Variants in ASPH observed in about 807,000 individuals in gnomAD.
The protein encoded by ASPH is aspartyl/asparaginyl beta-hydroxylase.
Under a neutral mutation model 118.4 loss-of-function variants are expected in ASPH, and 100 were observed. The ratio of observed to expected loss-of-function variants is 0.84; its 90% confidence interval spans 0.72 to 1.00. The LOEUF is 1.00. Ranked by LOEUF, ASPH falls within the 50% of genes least tolerant of loss-of-function variation. The probability of loss-of-function intolerance (pLI) is 0.00; values close to 1 mark genes in which losing one functional copy is unlikely to be tolerated. For missense variants in ASPH, 920 were observed against 919.5 expected (o/e 1.00, Z -0.01); for synonymous variants, 315 against 325.6 (o/e 0.97, Z 0.35).
chr8:61,684,827 A>G (rs972624890), intron 1 of ASPH: 6 of 152,198 alleles, frequency 3.9e-5, no homozygotes, highest in Non-Finnish European at 7.3e-5. Context: ...TATACCTTAT[A>G]TTCTTTTGTA....
chr8:61,607,129 C>T, intron 14 of ASPH: 1 of 582,646 alleles, frequency 1.7e-6, no homozygotes, highest in Non-Finnish European at 3.0e-6. Context: ...TCAGAGCGCT[C>T]CACAGAGCAT....
chr8:61,518,220 G>A, intron 22 of ASPH, 97 bp from the exon 23 acceptor site: 1 of 964,812 alleles, frequency 1.0e-6, no homozygotes, highest in African/African-American at 1.7e-5. Flanking sequence ...CCTCACTGCA[G>A]GAATGAGAAG....
At chr8:61,518,702 T>A (rs1477597595) in intron 22 of ASPH, among the ~76,000 whole-genome samples, 1 of 152,200 alleles carries the variant, frequency 6.6e-6, no homozygotes, top group Non-Finnish European at 1.5e-5. Flanking sequence ...GTTTACATCA[T>A]CTGTTTACAA....
At position 61,503,057 on chromosome 8, in the gene ASPH, A is replaced by C. The variant is rs1805204089; in HGVS notation, c.*302T>G. The C allele has an allele frequency of 4.2e-6, 1 of 238,200 alleles. No individual in the cohort carries two copies. The highest frequency in any genetic ancestry group is 2.2e-5 in the African/African-American group (1 of 44,762). 14.8% of individuals were successfully genotyped at this position (238,200 alleles called of 1,614,324 possible). A position where few individuals can be genotyped will look rare whatever the true frequency, so the allele number is the denominator to read the frequency against. On this transcript the variant is annotated 3_prime_UTR_variant, in exon 25 of 25. Transcript: ENST00000379454. Reference sequence around the variant, plus strand: ...TCTCATTATACATTGAATTAGACCTATTCTATGTGGAAAAAATATCTTTGG... The same window carrying C: ...TCTCATTATACATTGAATTAGACCTCTTCTATGTGGAAAAAATATCTTTGG...
intron 18 of ASPH, among the ~76,000 whole-genome samples, chr8:61,558,689 G>C (rs546739657): frequency 1.3e-5 from 2 of 152,188 alleles, no homozygotes; most frequent in Non-Finnish European, 2.9e-5. Context: ...TTCTTTGTGC[G>C]TGGGTACCAT....
chr8:61,557,011 A>G (rs1255327273), intron 18 of ASPH, among the ~76,000 whole-genome samples: 1 of 152,210 alleles, frequency 6.6e-6, no homozygotes, highest in African/African-American at 2.4e-5. Flanking sequence ...CTCATCGATT[A>G]GCAAATCTGG....
intron 24 of ASPH, 86 bp downstream of exon 24, chr8:61,517,442 T>C (rs1811323277): frequency 2.0e-6 from 3 of 1,524,022 alleles, no homozygotes; most frequent in Non-Finnish European, 2.7e-6. Context: ...CAAAAGAAGA[T>C]AAGTAATCCA....
In ASPH at chr8:61,576,587, GA is replaced by G. The variant is rs1340768127; in HGVS notation, c.1149+184del. On this transcript the variant is annotated intron_variant, in intron 16 of 24. Transcript: ENST00000379454. ...AGAGAAGTCATATGGAGGGGGAGCA[GA>G]AAAAAATGTTACTAAATTCAGCAGC... 3.2e-5 allele frequency: 16 copies of G among 502,406 alleles called. 1 individual carries two copies. In the South Asian group the frequency reaches 4.4e-4, roughly 14 times the overall value. The allele number at this position is 502,406 out of a possible 1,614,324, so 31.1% of individuals were successfully genotyped here. A position where few individuals can be genotyped will look rare whatever the true frequency, so the allele number is the denominator to read the frequency against.
At chr8:61,607,306 A>G (rs555964770) in intron 14 of ASPH, 172 of 702,148 alleles carry the variant, frequency 2.4e-4, no homozygotes, top group Non-Finnish European at 4.2e-4. Context: ...GGCTTTCACC[A>G]GACGCAAATG....
At chr8:61,642,773 AG>A in intron 10 of ASPH, 114 bp downstream of exon 10, 1 of 852,352 alleles carries the variant, frequency 1.2e-6, no homozygotes, top group South Asian at 2.0e-5. Context: ...TGTACCCAGG[AG>A]GCGGAGGTTG....
intron 21 of ASPH, among the ~76,000 whole-genome samples, chr8:61,547,658 C>G (rs2130868464): frequency 6.6e-6 from 1 of 152,158 alleles, no homozygotes; most frequent in Non-Finnish European, 1.5e-5. Flanking sequence ...ACTACATTTT[C>G]TGTTTTGAAA....
chr8:61,653,467 TG>T, intron 4 of ASPH, 100 bp downstream of exon 4: 1 of 1,096,072 alleles, frequency 9.1e-7, no homozygotes, highest in East Asian at 2.5e-5. Context: ...ATTCTGTAAA[TG>T]ATGTGAAACA....
chr8:61,659,513 G>A (rs1329020533), intron 3 of ASPH: 1 of 152,202 alleles, frequency 6.6e-6, no homozygotes, highest in Non-Finnish European at 1.5e-5. Context: ...GAAATCAAAT[G>A]AGGCACTAAA....
In ASPH at chr8:61,671,529, A is replaced by C. The variant is rs535718734; in HGVS notation, c.322+9439T>G. ...TAATAGAATATATTCCAATTTAAGA[A>C]ATAATCAAAGCAGCATTAGGATGTG... On this transcript the variant is annotated intron_variant, in intron 3 of 24. Coordinates refer to ENST00000379454, the MANE Select transcript of ASPH (RefSeq NM_004318.4). Among the ~76,000 whole-genome samples, 18 of 152,330 alleles carry C rather than the reference A, an allele frequency of 1.2e-4. No homozygotes were observed. In the East Asian group the frequency reaches 2.9e-3, roughly 24 times the overall value.
intron 3 of ASPH, chr8:61,665,278 C>T: frequency 6.2e-7 from 1 of 1,604,288 alleles, no homozygotes; most frequent in Non-Finnish European, 8.5e-7. Context: ...GGGTATTTCC[C>T]TTTGTTAAGT....
At chr8:61,601,401 C>T (rs1372273604) in intron 14 of ASPH, among the ~76,000 whole-genome samples, 4 of 150,762 alleles carry the variant, frequency 2.7e-5, no homozygotes, top group South Asian at 2.1e-4. Context: ...ATTAGCCAGG[C>T]GTGGTGGCGG....
intron 14 of ASPH, among the ~76,000 whole-genome samples, chr8:61,597,982 G>A (rs1394767880): frequency 1.3e-5 from 2 of 152,070 alleles, no homozygotes; most frequent in Non-Finnish European, 2.9e-5. Flanking sequence ...ACAGACAAAT[G>A]AGAAAACAAG....
At position 61,673,299 on chromosome 8, in the gene ASPH, C is replaced by G. The variant is rs573606092; in HGVS notation, c.322+7669G>C. 3.9e-5 allele frequency among the ~76,000 whole-genome samples: 6 copies of G among 152,212 alleles called. No individual in the cohort carries two copies. The East Asian group carries it at 9.7e-4, about 25-fold the overall frequency. On this transcript the variant is annotated intron_variant, in intron 3 of 24. Coordinates refer to ENST00000379454, the MANE Select transcript of ASPH (RefSeq NM_004318.4). ...AAATTGGCACCCAGAAGACACTTCC[C>G]CTACTGACTTATACCCACCACTCAT...
intron 9 of ASPH, 100 bp from the exon 10 acceptor site, chr8:61,643,020 A>G: frequency 9.5e-7 from 1 of 1,053,340 alleles, no homozygotes; most frequent in Non-Finnish European, 1.3e-6. Flanking sequence ...TAAACACAGA[A>G]CTCTACTCCT....
Sources: allele counts gnomAD v4.1 joint callset (sites outside exome capture counted in the v4.1 genomes callset), GRCh38; gene constraint gnomAD v4.1.1; transcripts MANE v1.5; gene names NCBI Gene and HGNC (gene_info 2026-07-23, HGNC 2026-07-21).